Variants in A1CF observed in about 807,000 individuals in gnomAD.
A1CF encodes the protein APOBEC-1 stimulating protein.
In A1CF, 48 loss-of-function variants were observed where a neutral mutation model predicts 68.9. That is an observed-to-expected ratio of 0.70 (90% CI 0.55 to 0.89). The LOEUF (loss-of-function observed/expected upper bound fraction) is 0.89, where lower values mean the gene tolerates loss of function less well. Ranked by LOEUF, A1CF falls within the 40% of genes least tolerant of loss-of-function variation. The pLI is 0.00. For missense variants in A1CF, 653 were observed against 718.9 expected (o/e 0.91, Z 1.05); for synonymous variants, 272 against 260.4 (o/e 1.04, Z -0.43).
chr10:50,881,202 T>C (rs1353683087), intron 1 of A1CF, among the ~76,000 whole-genome samples: 2 of 152,162 alleles, frequency 1.3e-5, no homozygotes, highest in Non-Finnish European at 2.9e-5. Flanking sequence ...TTAGCCAGAC[T>C]GGTCTTGAAC....
At chr10:50,846,646 G>C (rs933460083) in intron 3 of A1CF, among the ~76,000 whole-genome samples, 1 of 152,174 alleles carries the variant, frequency 6.6e-6, no homozygotes, top group Non-Finnish European at 1.5e-5. Context: ...CCAGCAGATT[G>C]ACCTGTTTAA....
At chr10:50,836,805 T>C (rs1318012536) in intron 5 of A1CF, among the ~76,000 whole-genome samples, 1 of 151,256 alleles carries the variant, frequency 6.6e-6, no homozygotes, top group Non-Finnish European at 1.5e-5. Context: ...TTTTTTGTCC[T>C]TGCGATAGTT....
chr10:50,878,044 C>T (rs1030315550), intron 1 of A1CF, among the ~76,000 whole-genome samples: 2 of 152,178 alleles, frequency 1.3e-5, no homozygotes, highest in Non-Finnish European at 2.9e-5. Flanking sequence ...ATCGCTTGAA[C>T]CCGGGAAGCG....
At chr10:50,836,349 C>T (rs754001141) in intron 5 of A1CF, 37 bp from the exon 6 acceptor site, 1 of 1,586,184 alleles carries the variant, frequency 6.3e-7, no homozygotes, top group Non-Finnish European at 8.6e-7. Flanking sequence ...GATGAGAATC[C>T]TTGTAGGATT....
intron 3 of A1CF, among the ~76,000 whole-genome samples, chr10:50,848,540 G>A (rs569238495): frequency 3.9e-5 from 6 of 152,222 alleles, no homozygotes; most frequent in Admixed American, 1.3e-4. Flanking sequence ...ATTCATAACC[G>A]GAAGGACATT....
intron 3 of A1CF, among the ~76,000 whole-genome samples, chr10:50,849,873 A>G (rs1840159283): frequency 7.3e-6 from 1 of 136,454 alleles, no homozygotes; most frequent in Non-Finnish European, 1.5e-5. Flanking sequence ...AGCTCACTGC[A>G]AGCTCCGCCT....
In A1CF at chr10:50,802,848, GA is replaced by G. The variant is rs1170420562; in HGVS notation, c.*3880del. On this transcript the variant is annotated 3_prime_UTR_variant, in exon 13 of 13. Transcript: ENST00000373997. ...AACTGTGGCCCAGTTGTCCAAGACA[GA>G]ATTATAAAACGGTCATTTAGAATAT... The G allele has an allele frequency of 5.9e-5, 9 of 152,068 alleles. No homozygotes were observed. The highest frequency in any genetic ancestry group is 2.2e-4 in the African/African-American group (9 of 41,394). 9.4% of individuals were successfully genotyped at this position (152,068 alleles called of 1,614,324 possible).
At chr10:50,814,087 C>T in intron 9 of A1CF, 49 bp from the exon 10 acceptor site, 2 of 1,598,972 alleles carry the variant, frequency 1.3e-6, no homozygotes, top group South Asian at 1.1e-5. Context: ...AGGCATTAAA[C>T]TGAATCAAAC....
chr10:50,881,042 T>G (rs1358606919), intron 1 of A1CF, among the ~76,000 whole-genome samples: 2 of 151,942 alleles, frequency 1.3e-5, no homozygotes, highest in Non-Finnish European at 1.5e-5. Flanking sequence ...TAGGCTGGAG[T>G]GCAATGGTGC....
Position 50,836,147 on chromosome 10 carries a change from T to C in A1CF, c.531A>G (p.Lys177=). Residue 177 remains lysine, a synonymous_variant, in exon 6 of 13, where the codon AAA becomes AAG. Transcript: ENST00000373997. ...IVYPSAADKT[K]NRGFAFVEYE... is the part of the protein sequence containing the mutation. ...ACTCCACGAAGGCAAAGCCTCGGTTTTTGGTTTTATCTGCAGCGCTTGGGT... is the reference window on the plus strand; with the variant it reads ...ACTCCACGAAGGCAAAGCCTCGGTTCTTGGTTTTATCTGCAGCGCTTGGGT... 2 of 1,613,974 alleles carry C rather than the reference T, an allele frequency of 1.2e-6. No individual in the cohort carries two copies. Among genetic ancestry groups the C allele is most frequent in the Non-Finnish European group, 1.7e-6 (2 of 1,179,888 alleles).
At chr10:50,821,684 C>T (rs1462754274) in intron 7 of A1CF, among the ~76,000 whole-genome samples, 2 of 151,934 alleles carry the variant, frequency 1.3e-5, no homozygotes, top group Non-Finnish European at 1.5e-5. Context: ...TACAGGCATG[C>T]ATCACCATGT....
At chr10:50,854,917 TAAAC>T (rs1475140209) in intron 3 of A1CF, among the ~76,000 whole-genome samples, 4 of 151,914 alleles carry the variant, frequency 2.6e-5, no homozygotes, top group African/African-American at 9.7e-5. Flanking sequence ...GATAACTAGA[TAAAC>T]AAAGCTAATA....
At chr10:50,840,787 A>C (rs1839738412) in intron 5 of A1CF, among the ~76,000 whole-genome samples, 2 of 152,176 alleles carry the variant, frequency 1.3e-5, no homozygotes. Flanking sequence ...TTCAATGTGC[A>C]TCTCAAATGT....
At chr10:50,859,479 C>G (rs1349461669) in intron 3 of A1CF, among the ~76,000 whole-genome samples, 2 of 152,132 alleles carry the variant, frequency 1.3e-5, no homozygotes, top group South Asian at 4.1e-4. Flanking sequence ...GCAGTGATCT[C>G]TCTGGAAACT....
At chr10:50,875,243 G>A (rs1424608990) in intron 1 of A1CF, among the ~76,000 whole-genome samples, 8 of 152,052 alleles carry the variant, frequency 5.3e-5, no homozygotes, top group Non-Finnish European at 7.4e-5. Context: ...ATGAGTAAAT[G>A]TTTTCCTAGT....
In A1CF at chr10:50,859,880, G is replaced by C. The variant is rs1210034285; in HGVS notation, c.61C>G (p.Arg21Gly). ...TATCCTGTGCGCTGGACCAGTGCGC[G>C]GAGGGCTGCTTCCTTCTGAGTGCCG... ...LSGTQKEAAL[R>G]ALVQRTGYSL... Residue 21 changes from arginine to glycine, a missense_variant, in exon 3 of 13, where the codon CGC becomes GGC. Arg to Gly is a moderately radical substitution (Grantham distance 125). Transcript: ENST00000373997. 1 of 1,613,978 alleles carries C rather than the reference G, an allele frequency of 6.2e-7. No individual in the cohort carries two copies. The highest frequency in any genetic ancestry group is 8.5e-7 in the Non-Finnish European group (1 of 1,179,938).
Position 50,806,808 on chromosome 10 carries a change from T to G in A1CF, c.1682A>C (p.Asp561Ala), listed in dbSNP as rs1447374120. The G allele has an allele frequency of 6.2e-7, 1 of 1,613,738 alleles. No homozygotes were observed. Among genetic ancestry groups the G allele is most frequent in the Non-Finnish European group, 8.5e-7 (1 of 1,179,768 alleles). Residue 561 changes from aspartate to alanine, a missense_variant, in exon 13 of 13, where the codon GAC (aspartate) becomes GCC (alanine). Asp to Ala is a moderately radical substitution (Grantham distance 126). Coordinates refer to ENST00000373997, the MANE Select transcript of A1CF (RefSeq NM_014576.4). The part of the protein sequence containing the change: ...QLKQAVTLGQ[D>A]LAAYTTYEVY... ...CTCATAGGTTGTATATGCTGCTAAG[T>G]CTTGTCCAAGGGTTACCGCTTGCTT...
chr10:50,829,408 A>C (rs1447739459), intron 6 of A1CF, among the ~76,000 whole-genome samples: 1 of 152,134 alleles, frequency 6.6e-6, no homozygotes, highest in Non-Finnish European at 1.5e-5. Flanking sequence ...AGCTTGAGAG[A>C]ACAAAATCAG....
chr10:50,828,412 A>C, intron 6 of A1CF, 117 bp from the exon 7 acceptor site: 1 of 746,866 alleles, frequency 1.3e-6, no homozygotes, highest in Non-Finnish European at 2.0e-6. Context: ...ATGAGCAAGA[A>C]GACCATTAAA....
Sources: gnomAD v4.1 joint callset for allele counts (sites outside exome capture counted in the v4.1 genomes callset) on GRCh38, gnomAD v4.1.1 for gene constraint, MANE v1.5 for transcripts, NCBI Gene and HGNC (gene_info 2026-07-23, HGNC 2026-07-21) for gene names.